Variants in ALS2 observed in about 807,000 individuals in gnomAD.
The protein encoded by ALS2 is alsin Rho guanine nucleotide exchange factor ALS2.
A neutral mutation model predicts 203.4 loss-of-function variants in ALS2; 117 were observed. The ratio of observed to expected loss-of-function variants is 0.58; its 90% confidence interval spans 0.50 to 0.67. The LOEUF is 0.67. ALS2 is among the 30% of genes least tolerant of loss of function. ALS2 has a pLI of 0.00. For synonymous variants in ALS2, 718 were observed against 725.9 expected, an observed-to-expected ratio of 0.99 and a Z score of 0.17; for missense variants, 1,715 against 1,989.4, an observed-to-expected ratio of 0.86 and a Z score of 2.62.
At chr2:201,722,201 T>G (rs1559045364) in intron 23 of ALS2, 1 of 152,130 alleles carries the variant, frequency 6.6e-6, no homozygotes, top group African/African-American at 2.4e-5. Flanking sequence ...GAATAGACAT[T>G]TCATCAAAGA....
intron 12 of ALS2, 22 bp downstream of exon 12, chr2:201,738,648 T>G: frequency 6.2e-7 from 1 of 1,607,776 alleles, no homozygotes; most frequent in Non-Finnish European, 8.5e-7. Context: ...GAATGATAAC[T>G]GGAAGGTGTG....
rs781551580 is a variant in ALS2, at chr2:201,715,673, T to A, written c.4003A>T (p.Ser1335Cys). Reference protein sequence around the residue: ...LTTSRRQHRDSPEILSRSQTQ... With the variant: ...LTTSRRQHRDCPEILSRSQTQ... The stretch of plus-strand genomic sequence containing the variant: ...TATGTTGAGCAGGTGTTCACTCACC[T>A]GTCTCTGTGCTGGCGCCGACTGGTG... Residue 1335 changes from serine to cysteine, a missense_variant and splice_region_variant, in exon 25 of 34, where the codon AGT becomes TGT. Around this residue, in one of 3 missense-constraint regions of ALS2, gnomAD observed 1,227 missense variants for 1,413.5 expected, o/e 0.87. Coordinates refer to ENST00000264276, the MANE Select transcript of ALS2 (RefSeq NM_020919.4). 1 of 1,614,224 alleles carries A rather than the reference T, an allele frequency of 6.2e-7. No individual in the cohort carries two copies. The highest frequency in any genetic ancestry group is 8.5e-7 in the Non-Finnish European group (1 of 1,180,032).
At chr2:201,709,173 C>T (rs1463646611) in intron 27 of ALS2, among the ~76,000 whole-genome samples, 1 of 152,222 alleles carries the variant, frequency 6.6e-6, no homozygotes, top group Non-Finnish European at 1.5e-5. Context: ...TGCTTACTGT[C>T]TCATTTAATT....
chr2:201,760,933 T>C lies in ALS2; in HGVS notation c.1061A>G (p.Asp354Gly). The C allele has an allele frequency of 6.2e-7, 1 of 1,614,208 alleles. No homozygotes were observed. ...AVNEYLRKLSDHSVREDSEHG... is the reference protein window; with the variant it reads ...AVNEYLRKLSGHSVREDSEHG... ...CTCTGAGTCCTCTCTTACTGAATGATCTGACAGTTTCCGTAGGTATTCATT... is the reference window on the plus strand; with the variant it reads ...CTCTGAGTCCTCTCTTACTGAATGACCTGACAGTTTCCGTAGGTATTCATT... Residue 354 changes from aspartate to glycine, a missense_variant, in exon 4 of 34, where the codon GAT (aspartate) becomes GGT (glycine). Coordinates refer to ENST00000264276, the MANE Select transcript of ALS2 (RefSeq NM_020919.4).
chr2:201,707,432 C>T (rs6739696), intron 28 of ALS2, among the ~76,000 whole-genome samples: 1 of 150,440 alleles, frequency 6.6e-6, no homozygotes, highest in Non-Finnish European at 1.5e-5. Context: ...TACCCAGCTA[C>T]ATTTTTTTTT....
At chr2:201,727,135 T>C in intron 17 of ALS2, 77 bp downstream of exon 17, 1 of 1,319,824 alleles carries the variant, frequency 7.6e-7, no homozygotes, top group Non-Finnish European at 1.1e-6. Context: ...CAAGAACAAT[T>C]TATATTTCTT....
intron 24 of ALS2, 109 bp from the exon 25 acceptor site, chr2:201,715,948 A>G: frequency 9.3e-7 from 1 of 1,073,374 alleles, no homozygotes; most frequent in South Asian, 1.3e-5. Flanking sequence ...CGTGACCAAA[A>G]CTGCCAAGAC....
intron 33 of ALS2, among the ~76,000 whole-genome samples, chr2:201,703,094 C>T (rs933458328): frequency 5.9e-5 from 9 of 151,986 alleles, no homozygotes; most frequent in African/African-American, 9.7e-5. Flanking sequence ...CCAGCCTGGG[C>T]GACAGAGTGA....
At chr2:201,718,244 G>C (rs765679195) in intron 23 of ALS2, 34 bp from the exon 24 acceptor site, 5 of 1,596,702 alleles carry the variant, frequency 3.1e-6, no homozygotes, top group Middle Eastern at 1.7e-4. Context: ...TGTGGGGTTA[G>C]AGGAAATATA....
intron 13 of ALS2, among the ~76,000 whole-genome samples, chr2:201,729,573 T>G (rs527785472): frequency 6.6e-6 from 1 of 152,232 alleles, no homozygotes; most frequent in Admixed American, 6.5e-5. Context: ...AAGCTTTTAT[T>G]AATTCACTTA....
At chr2:201,725,500 AT>A (rs1691111595) in intron 19 of ALS2, 46 bp from the exon 20 acceptor site, 1 of 1,453,374 alleles carries the variant, frequency 6.9e-7, no homozygotes, top group African/African-American at 1.4e-5. Flanking sequence ...CATTTATGAC[AT>A]ATTCACCTTT....
intron 29 of ALS2, 78 bp from the exon 30 acceptor site, chr2:201,705,539 A>G: frequency 8.9e-7 from 1 of 1,122,440 alleles, no homozygotes; most frequent in East Asian, 2.4e-5. Context: ...GTTGACAGCT[A>G]TATTGGCTTC....
intron 20 of ALS2, 40 bp downstream of exon 20, chr2:201,725,316 T>C: frequency 6.5e-7 from 1 of 1,545,168 alleles, no homozygotes; most frequent in Non-Finnish European, 8.9e-7. Context: ...CATGGTTATA[T>C]GAAAAACAAA....
At chr2:201,767,511 C>A in intron 2 of ALS2, 128 bp from the exon 3 acceptor site, 1 of 1,027,788 alleles carries the variant, frequency 9.7e-7, no homozygotes, top group Non-Finnish European at 1.5e-6. Context: ...TGAATTAGCA[C>A]CTATTTTATG....
chr2:201,772,499 A>G (rs150534489), intron 1 of ALS2, among the ~76,000 whole-genome samples: 32 of 152,382 alleles, frequency 2.1e-4, no homozygotes, highest in African/African-American at 5.0e-4. Context: ...TATCACTTTT[A>G]TCCCTTTAGT....
intron 31 of ALS2, 116 bp from the exon 32 acceptor site, chr2:201,704,719 A>G (rs905125232): frequency 1.0e-5 from 12 of 1,162,194 alleles, no homozygotes; most frequent in African/African-American, 3.1e-5. Context: ...CCGGACACTT[A>G]GGCATTATGA....
chr2:201,752,694 T>C (rs1329173900), intron 7 of ALS2, among the ~76,000 whole-genome samples: 1 of 152,202 alleles, frequency 6.6e-6, no homozygotes, highest in East Asian at 1.9e-4. Flanking sequence ...TAAAACAACT[T>C]CTTTATGTTT....
intron 23 of ALS2, chr2:201,720,231 A>G: frequency 5.5e-6 from 2 of 361,646 alleles, no homozygotes; most frequent in South Asian, 4.1e-5. Context: ...ATTCGCATTA[A>G]ATCCAGCAAC....
intron 1 of ALS2, among the ~76,000 whole-genome samples, chr2:201,777,016 T>C (rs1206929943): frequency 6.6e-6 from 1 of 152,190 alleles, no homozygotes; most frequent in Non-Finnish European, 1.5e-5. Flanking sequence ...GATACTTGCA[T>C]TCAAGGTATA....
Sources: gnomAD v4.1 joint callset for allele counts (sites outside exome capture counted in the v4.1 genomes callset) on GRCh38, gnomAD v4.1.1 for gene constraint, gnomAD v4.1.1 regional missense constraint, MANE v1.5 for transcripts, NCBI Gene and HGNC (gene_info 2026-07-23, HGNC 2026-07-21) for gene names.